ATF1: variants seen among roughly 807,000 people sequenced by gnomAD.
The protein encoded by ATF1 is cyclic AMP-dependent transcription factor ATF-1.
Under a neutral mutation model 34.7 loss-of-function variants are expected in ATF1, and 16 were observed. That is an observed-to-expected ratio of 0.46 (90% CI 0.31 to 0.70). ATF1 has a LOEUF of 0.70. Among genes scored for constraint, ATF1 ranks in the 30% least tolerant of loss-of-function variants. The pLI, the probability that ATF1 is intolerant of heterozygous loss-of-function variation, is 0.05. For missense variants in ATF1, 255 were observed against 321.6 expected (o/e 0.79, Z 1.58); for synonymous variants, 105 against 113.1 (o/e 0.93, Z 0.46).
intron 1 of ATF1, among the ~76,000 whole-genome samples, chr12:50,777,102 C>A (rs915290721): frequency 6.6e-6 from 1 of 152,156 alleles, no homozygotes; most frequent in African/African-American, 2.4e-5. Flanking sequence ...GATCTGCCCA[C>A]CTCGGCCTCC....
At chr12:50,785,370 A>G (rs1941166544) in intron 2 of ATF1, among the ~76,000 whole-genome samples, 1 of 151,164 alleles carries the variant, frequency 6.6e-6, no homozygotes, top group South Asian at 2.1e-4. Flanking sequence ...ATTTATTGAG[A>G]TGGACAATGC....
rs1448208127 is a variant in ATF1 at position 50,766,551 on chromosome 12, A to G, written c.-7+2244A>G. ...TTTAAGTTTTAGGGTACATGTGCAC[A>G]TTTTGCAGGTTAGTTACATATGTAT... On this transcript the variant is annotated intron_variant, in intron 1 of 6. Transcript: ENST00000262053. Among the ~76,000 whole-genome samples, 3 of 151,122 alleles carry G rather than the reference A, an allele frequency of 2.0e-5. No homozygotes were observed. In the East Asian group the frequency reaches 5.8e-4, roughly 29 times the overall value.
intron 1 of ATF1, among the ~76,000 whole-genome samples, chr12:50,778,137 A>G (rs530860389): frequency 6.6e-6 from 1 of 151,860 alleles, no homozygotes; most frequent in East Asian, 1.9e-4. Context: ...TCTGGTCTCA[A>G]ACTCCTGGGC....
intron 2 of ATF1, among the ~76,000 whole-genome samples, chr12:50,791,413 G>T (rs1325015817): frequency 6.6e-6 from 1 of 152,072 alleles, no homozygotes; most frequent in Non-Finnish European, 1.5e-5. Context: ...AAAATTAGCT[G>T]GGCGTGGTCA....
At chr12:50,795,793 A>T in intron 2 of ATF1, 116 bp from the exon 3 acceptor site, 1 of 766,784 alleles carries the variant, frequency 1.3e-6, no homozygotes, top group Non-Finnish European at 2.1e-6. Context: ...CTTTAGATTT[A>T]ATGTACAAAT....
At chr12:50,813,012 T>C (rs1484149249) in intron 4 of ATF1, among the ~76,000 whole-genome samples, 1 of 151,900 alleles carries the variant, frequency 6.6e-6, no homozygotes, top group Non-Finnish European at 1.5e-5. Context: ...GAAAAAAAAA[T>C]GTTTCATAAC....
At chr12:50,796,197 C>G (rs1941405653) in intron 3 of ATF1, among the ~76,000 whole-genome samples, 188 bp downstream of exon 3, 1 of 152,130 alleles carries the variant, frequency 6.6e-6, no homozygotes, top group Admixed American at 6.6e-5. Flanking sequence ...GAGTTCAAGA[C>G]CAGCCTGGGC....
At chr12:50,817,343 A>G (rs908631225) in intron 6 of ATF1, among the ~76,000 whole-genome samples, 2 of 152,206 alleles carry the variant, frequency 1.3e-5, no homozygotes, top group African/African-American at 4.8e-5. Flanking sequence ...TTTATTTGTA[A>G]TGACTGAATG....
At chr12:50,802,674 C>T (rs975020423) in intron 3 of ATF1, among the ~76,000 whole-genome samples, 32 of 151,244 alleles carry the variant, frequency 2.1e-4, no homozygotes, top group Non-Finnish European at 4.3e-4. Flanking sequence ...GAGTTCGGGA[C>T]CAGCCTGGCC....
At chr12:50,790,907 A>G (rs569580209) in intron 2 of ATF1, among the ~76,000 whole-genome samples, 1 of 152,250 alleles carries the variant, frequency 6.6e-6, no homozygotes, top group Non-Finnish European at 1.5e-5. Flanking sequence ...GAAAGGATTC[A>G]TAACAGCAAG....
chr12:50,819,527 A>ATACT lies in ATF1; in HGVS notation c.672-106_672-103dup, dbSNP rs1555203917. On this transcript the variant is annotated intron_variant, in intron 6 of 6. Coordinates refer to ENST00000262053, the MANE Select transcript of ATF1 (RefSeq NM_005171.5). ...TCTATGTATTCTCTGTGTGTAGATG[A>ATACT]TACTTTAAAGAGAAAAAAAGGTGAC... 31 of 1,266,068 alleles carry ATACT rather than the reference A, an allele frequency of 2.4e-5. No homozygotes were observed. In the East Asian group the frequency reaches 7.4e-4, roughly 30 times the overall value. 78.4% of individuals were successfully genotyped at this position (1,266,068 alleles called of 1,614,324 possible).
At chr12:50,775,564 TG>T (rs1940898235) in intron 1 of ATF1, 2 of 152,154 alleles carry the variant, frequency 1.3e-5, no homozygotes, top group Admixed American at 6.5e-5. Flanking sequence ...TAATTAAAAT[TG>T]TTTTTTTTTT....
In ATF1 at chr12:50,821,001, C is replaced by T. The variant is rs893615034; in HGVS notation, c.*1222C>T. The T allele has an allele frequency of 1.7e-5, 3 of 180,402 alleles. No homozygotes were observed. Among genetic ancestry groups the T allele is most frequent in the Non-Finnish European group, 3.6e-5 (3 of 84,242 alleles). The allele number at this position is 180,402 out of a possible 1,614,324, so 11.2% of individuals were successfully genotyped here. A position where few individuals can be genotyped will look rare whatever the true frequency, so the allele number is the denominator to read the frequency against. ...AAATTCAAAAATACTGTCAGTACAC[C>T]AGCGTTTAACATCTATATTCCAATT... On this transcript the variant is annotated 3_prime_UTR_variant, in exon 7 of 7. Transcript: ENST00000262053.
chr12:50,781,468 C>T (rs1941059175), intron 2 of ATF1, among the ~76,000 whole-genome samples: 1 of 151,770 alleles, frequency 6.6e-6, no homozygotes, highest in Admixed American at 6.6e-5. Flanking sequence ...TTTTGTTTTT[C>T]AAGGCAGGGT....
At chr12:50,780,303 T>C in intron 2 of ATF1, 65 bp downstream of exon 2, 1 of 1,353,202 alleles carries the variant, frequency 7.4e-7, no homozygotes, top group Non-Finnish European at 1.0e-6. Flanking sequence ...ATTAATCTCG[T>C]TTCAGACTGA....
chr12:50,771,899 A>G (rs1940780394), intron 1 of ATF1, among the ~76,000 whole-genome samples: 1 of 152,226 alleles, frequency 6.6e-6, no homozygotes, highest in Non-Finnish European at 1.5e-5. Flanking sequence ...AAAGTCAGGA[A>G]GTTACCCTGT....
chr12:50,803,356 A>G (rs1056041511), intron 3 of ATF1, among the ~76,000 whole-genome samples: 1 of 152,132 alleles, frequency 6.6e-6, no homozygotes, highest in African/African-American at 2.4e-5. Flanking sequence ...TTCAACATTT[A>G]TCGTTAAGGG....
At chr12:50,764,510 C>T (rs113354135) in intron 1 of ATF1, 3,896 of 152,264 alleles carry the variant, frequency 0.026, 169 homozygotes, top group African/African-American at 0.089. Context: ...TGCGCTGCGC[C>T]CTTCCAGTCG....
At chr12:50,771,091 C>T (rs1333802188) in intron 1 of ATF1, among the ~76,000 whole-genome samples, 4 of 152,042 alleles carry the variant, frequency 2.6e-5, no homozygotes, top group African/African-American at 9.7e-5. Flanking sequence ...CTGCAGCCTC[C>T]GCCTCCTGGG....
Sources: allele counts gnomAD v4.1 joint callset (sites outside exome capture counted in the v4.1 genomes callset), GRCh38; gene constraint gnomAD v4.1.1; transcripts MANE v1.5; gene names NCBI Gene and HGNC (gene_info 2026-07-23, HGNC 2026-07-21).